Variants in CNOT1 observed in about 807,000 individuals in gnomAD.
The protein encoded by CNOT1 is CCR4-NOT transcription complex subunit 1.
A neutral mutation model predicts 273.8 loss-of-function variants in CNOT1; 15 were observed. That is an observed-to-expected ratio of 0.05 (90% CI 0.04 to 0.08). CNOT1 has a LOEUF of 0.08. CNOT1 is among the 10% of genes least tolerant of loss of function. CNOT1 has a pLI of 1.00. For synonymous variants in CNOT1, 1,022 were observed against 1,005.5 expected (o/e 1.02, Z -0.31); for missense variants, 1,644 against 2,912.2 (o/e 0.56, Z 10.02).
Position 58,534,058 on chromosome 16 carries a change from G to C in CNOT1, c.5895+89C>G, listed in dbSNP as rs2039857919. 3 of 1,209,976 alleles carry C rather than the reference G, an allele frequency of 2.5e-6. No homozygotes were observed. In the South Asian group the frequency reaches 1.2e-4, roughly 48 times the overall value. 75.0% of individuals were successfully genotyped at this position (1,209,976 alleles called of 1,614,324 possible). A position where few individuals can be genotyped will look rare whatever the true frequency, so the allele number is the denominator to read the frequency against. On this transcript the variant is annotated intron_variant, in intron 40 of 48. Transcript: ENST00000317147. ...GGTGACAGAGTGAGACTCTCTCAAA[G>C]AAACAATATAAAAAATAATAATAAT...
At chr16:58,558,868 T>C (rs2040731471) in intron 17 of CNOT1, among the ~76,000 whole-genome samples, 194 bp from the exon 18 acceptor site, 2 of 152,168 alleles carry the variant, frequency 1.3e-5, no homozygotes, top group African/African-American at 4.8e-5. Flanking sequence ...ACATACAGAA[T>C]AGGTTTAAAG....
intron 44 of CNOT1, 75 bp from the exon 45 acceptor site, chr16:58,526,213 G>T: frequency 6.5e-7 from 1 of 1,535,114 alleles, no homozygotes; most frequent in African/African-American, 1.4e-5. Flanking sequence ...TTAAGTGGTG[G>T]GACTGTTTTT....
intron 31 of CNOT1, 68 bp downstream of exon 31, chr16:58,543,539 A>T (rs1440182166): frequency 6.2e-7 from 1 of 1,610,056 alleles, no homozygotes; most frequent in South Asian, 1.1e-5. Flanking sequence ...TATATAGACA[A>T]AGAAAAAAAT....
intron 2 of CNOT1, chr16:58,598,089 C>A (rs1597558164): frequency 6.0e-6 from 1 of 167,190 alleles, no homozygotes; most frequent in South Asian, 1.6e-4. Context: ...CATGGTGAAA[C>A]CCCATCTCTA....
In CNOT1 at chr16:58,562,542, G is replaced by A. The variant is rs188347408; in HGVS notation, c.1980-2180C>T. ...TTAAAAAAAAAAGCGGCGGGGGGGC[G>A]GCCAGGCACGGTGGCTCACACCTGT... On this transcript the variant is annotated intron_variant, in intron 16 of 48. Transcript: ENST00000317147. Among the ~76,000 whole-genome samples the A allele has an allele frequency of 1.4e-4, 21 of 151,506 alleles. No individual in the cohort carries two copies. In the East Asian group the frequency reaches 3.7e-3, roughly 27 times the overall value.
In CNOT1 at chr16:58,546,380, AGTT is replaced by A; in HGVS notation, c.3944_3946del (p.Gln1315del). On this transcript the variant is annotated inframe_deletion, in exon 29 of 49. Coordinates refer to ENST00000317147, the MANE Select transcript of CNOT1 (RefSeq NM_016284.5). ...CTTGACATCTTTCTTTGGAGCAGAG[AGTT>A]GCTCATCTAAATTCTTCAGGCGATC... is the stretch of plus-strand genomic sequence containing the variant. 6.2e-7 allele frequency: 1 copy of A among 1,613,912 alleles called. No individual in the cohort carries two copies.
chr16:58,543,928 C>G, intron 30 of CNOT1, 25 bp from the exon 31 acceptor site: 4 of 1,567,328 alleles, frequency 2.6e-6, no homozygotes, highest in Non-Finnish European at 3.5e-6. Context: ...AGGACAAAGT[C>G]AACACCTTGT....
chr16:58,616,539 G>A (rs1042060336), intron 1 of CNOT1, among the ~76,000 whole-genome samples: 1 of 152,200 alleles, frequency 6.6e-6, no homozygotes, highest in Non-Finnish European at 1.5e-5. Flanking sequence ...TTACAGGTGT[G>A]AGCCACAGCA....
chr16:58,563,001 T>C (rs1396227455), intron 16 of CNOT1, among the ~76,000 whole-genome samples: 1 of 152,202 alleles, frequency 6.6e-6, no homozygotes, highest in African/African-American at 2.4e-5. Flanking sequence ...AATAAGCCTA[T>C]ATTACATTAA....
intron 19 of CNOT1, 76 bp downstream of exon 19, chr16:58,556,771 A>G (rs936104787): frequency 7.1e-6 from 11 of 1,556,108 alleles, no homozygotes; most frequent in Non-Finnish European, 9.5e-6. Flanking sequence ...ACATGGCCCT[A>G]CTAACACAAA....
intron 39 of CNOT1, among the ~76,000 whole-genome samples, chr16:58,535,988 C>G (rs923966125): frequency 6.6e-5 from 10 of 152,162 alleles, no homozygotes; most frequent in African/African-American, 2.2e-4. Context: ...CCTGCCTCGG[C>G]CTCCCAAAGT....
rs1375781244 is a variant in CNOT1, at chr16:58,586,729, C to T, written c.453G>A (p.Gln151=). 5 of 1,612,872 alleles carry T rather than the reference C, an allele frequency of 3.1e-6. No individual in the cohort carries two copies. The highest frequency in any genetic ancestry group is 4.2e-6 in the Non-Finnish European group (5 of 1,179,874). ...LRGFAAQFIK[Q]KLPDLLRSYI... is the part of the protein sequence containing the mutation. ...AAGAACGCAGAAGATCTGGAAGCTT[C>T]TGTTTGATAAACTGGGCAGCTAGAA... Residue 151 remains glutamine, a synonymous_variant, in exon 7 of 49, where the codon CAG becomes CAA. Coordinates refer to ENST00000317147, the MANE Select transcript of CNOT1 (RefSeq NM_016284.5).
At chr16:58,627,403 C>CAAAAAA (rs754338444) in intron 1 of CNOT1, among the ~76,000 whole-genome samples, 12,491 of 64,748 alleles carry the variant, frequency 0.19, 2,641 homozygotes, top group East Asian at 0.48. Flanking sequence ...GACTCCATCT[C>CAAAAAA]AAAAAAAAAA....
intron 2 of CNOT1, among the ~76,000 whole-genome samples, chr16:58,590,473 A>T (rs1343868308): frequency 6.6e-6 from 1 of 152,184 alleles, no homozygotes; most frequent in African/African-American, 2.4e-5. Context: ...ATACACCTAT[A>T]ATTTCCAGCT....
At chr16:58,526,318 G>C (rs1371887151) in intron 44 of CNOT1, among the ~76,000 whole-genome samples, 180 bp from the exon 45 acceptor site, 4 of 151,940 alleles carry the variant, frequency 2.6e-5, no homozygotes, top group African/African-American at 7.3e-5. Context: ...GGTTCAAAAT[G>C]ATAAAAATTT....
In CNOT1 at chr16:58,525,335, A is replaced by G; in HGVS notation, c.6628T>C (p.Tyr2210His). 1 of 1,613,498 alleles carries G rather than the reference A, an allele frequency of 6.2e-7. No individual in the cohort carries two copies. The highest frequency in any genetic ancestry group is 8.5e-7 in the Non-Finnish European group (1 of 1,180,028). ...AGTGCATTGATGAGCTGGAGGTTGTAGCGATTCCCAGGTTCATTGGATACC... is the reference window on the plus strand; with the variant it reads ...AGTGCATTGATGAGCTGGAGGTTGTGGCGATTCCCAGGTTCATTGGATACC... ...LQVSNEPGNRYNLQLINALVL... is the reference protein window; with the variant it reads ...LQVSNEPGNRHNLQLINALVL... The change falls in exon 46 of 49, where the codon TAC becomes CAC. Residue 2210 changes from tyrosine (Y) to histidine (H), a missense_variant. By Grantham distance (83) the Tyr-to-His change is moderately conservative. Coordinates refer to ENST00000317147, the MANE Select transcript of CNOT1 (RefSeq NM_016284.5).
At chr16:58,623,618 A>T (rs987539590) in intron 1 of CNOT1, among the ~76,000 whole-genome samples, 1 of 152,172 alleles carries the variant, frequency 6.6e-6, no homozygotes, top group African/African-American at 2.4e-5. Flanking sequence ...TAGCCAGGGG[A>T]GGGCATGGAA....
chr16:58,566,602 T>C (rs1454145232), intron 16 of CNOT1, among the ~76,000 whole-genome samples: 1 of 152,218 alleles, frequency 6.6e-6, no homozygotes, highest in African/African-American at 2.4e-5. Context: ...TGCTTTGGAA[T>C]GGATAATTAT....
Position 58,520,076 on chromosome 16 carries a change from T to G in CNOT1, c.*882A>C, listed in dbSNP as rs1000958598. 6.6e-6 allele frequency: 1 copy of G among 152,232 alleles called. No individual in the cohort carries two copies. Among genetic ancestry groups the G allele is most frequent in the African/African-American group, 2.4e-5 (1 of 41,456 alleles). The allele number at this position is 152,232 out of a possible 1,614,324, so 9.4% of individuals were successfully genotyped here. A position where few individuals can be genotyped will look rare whatever the true frequency, so the allele number is the denominator to read the frequency against. ...CAATACATTTGCAAAACATTCAAAA[T>G]CCTTATAAAAGGGGCTGTATTGGTC... On this transcript the variant is annotated 3_prime_UTR_variant, in exon 49 of 49. Coordinates refer to ENST00000317147, the MANE Select transcript of CNOT1 (RefSeq NM_016284.5).
Sources: allele counts gnomAD v4.1 joint callset (sites outside exome capture counted in the v4.1 genomes callset), GRCh38; gene constraint gnomAD v4.1.1; transcripts MANE v1.5; gene names NCBI Gene and HGNC (gene_info 2026-07-23, HGNC 2026-07-21).